The following STK32B variants were observed in gnomAD, a reference collection of about 807,000 sequenced individuals.
The protein encoded by STK32B is serine/threonine-protein kinase 32B.
A neutral mutation model predicts 52.6 loss-of-function variants in STK32B; 43 were observed. The ratio of observed to expected loss-of-function variants is 0.82; its 90% confidence interval spans 0.64 to 1.05. The LOEUF (loss-of-function observed/expected upper bound fraction) is 1.05, where lower values mean the gene tolerates loss of function less well. Ranked by LOEUF, STK32B falls within the 50% of genes least tolerant of loss-of-function variation. The pLI is 0.00. For missense variants in STK32B, 621 were observed against 534.6 expected (o/e 1.16, Z -1.59); for synonymous variants, 238 against 204.3 (o/e 1.17, Z -1.41).
At chr4:5,080,483 C>A (rs1263798424) in intron 1 of STK32B, among the ~76,000 whole-genome samples, 1 of 152,150 alleles carries the variant, frequency 6.6e-6, no homozygotes, top group African/African-American at 2.4e-5. Context: ...TCTGAAACGT[C>A]AGTTTCTCAA....
chr4:5,410,091 A>C (rs1022845367), intron 5 of STK32B, among the ~76,000 whole-genome samples: 2 of 152,184 alleles, frequency 1.3e-5, no homozygotes, highest in Non-Finnish European at 2.9e-5. Flanking sequence ...TGTGGTGCCC[A>C]GAGTGTTTGA....
chr4:5,402,285 G>A (rs6834403), intron 5 of STK32B, among the ~76,000 whole-genome samples: 33,726 of 152,212 alleles, frequency 0.22, 3,991 homozygotes, highest in Admixed American at 0.3. Flanking sequence ...GGTGATGGAA[G>A]AGGCCAGTGG....
At chr4:5,198,375 G>A (rs1441138230) in intron 3 of STK32B, among the ~76,000 whole-genome samples, 2 of 152,204 alleles carry the variant, frequency 1.3e-5, no homozygotes, top group African/African-American at 4.8e-5. Flanking sequence ...GATGGGGCAT[G>A]GTGGTGGGAA....
At chr4:5,337,062 TC>T (rs1173712167) in intron 4 of STK32B, among the ~76,000 whole-genome samples, 23 of 152,106 alleles carry the variant, frequency 1.5e-4, no homozygotes, top group Non-Finnish European at 8.8e-5. Flanking sequence ...CACTGCAGCC[TC>T]AACCTTCTGG....
At chr4:5,237,504 G>A (rs1466791085) in intron 3 of STK32B, among the ~76,000 whole-genome samples, 2 of 152,186 alleles carry the variant, frequency 1.3e-5, no homozygotes, top group Non-Finnish European at 2.9e-5. Context: ...GGCCCAGCTG[G>A]ATTTTATTGT....
chr4:5,173,685 C>G (rs1049733290), intron 3 of STK32B, among the ~76,000 whole-genome samples: 21 of 152,272 alleles, frequency 1.4e-4, no homozygotes, highest in Admixed American at 2.6e-4. Flanking sequence ...GTTATAGTTT[C>G]TGTTCTTTTA....
At chr4:5,372,417 G>T (rs1735302115) in intron 4 of STK32B, among the ~76,000 whole-genome samples, 1 of 152,024 alleles carries the variant, frequency 6.6e-6, no homozygotes, top group African/African-American at 2.4e-5. Flanking sequence ...CTTTTTGCAG[G>T]AGCCCTGAAG....
intron 3 of STK32B, among the ~76,000 whole-genome samples, chr4:5,325,083 C>T (rs866666920): frequency 6.6e-6 from 1 of 152,206 alleles, no homozygotes; most frequent in African/African-American, 2.4e-5. Flanking sequence ...GTGAGCATGA[C>T]GCACAGCCTC....
intron 2 of STK32B, among the ~76,000 whole-genome samples, chr4:5,141,741 C>A (rs1474005330): frequency 6.6e-6 from 1 of 152,100 alleles, no homozygotes; most frequent in Non-Finnish European, 1.5e-5. Flanking sequence ...TCAAGTGGTC[C>A]ATAGGTATAG....
chr4:5,204,410 T>C (rs1188135798), intron 3 of STK32B, among the ~76,000 whole-genome samples: 3 of 151,956 alleles, frequency 2.0e-5, no homozygotes, highest in Admixed American at 2.0e-4. Flanking sequence ...TTTTGTTTGT[T>C]TGTTTTTGTT....
intron 5 of STK32B, among the ~76,000 whole-genome samples, chr4:5,403,833 A>G (rs1415881300): frequency 6.6e-6 from 1 of 152,136 alleles, no homozygotes; most frequent in Non-Finnish European, 1.5e-5. Context: ...GCAGTTGAGA[A>G]GGAAGGGAGA....
intron 3 of STK32B, among the ~76,000 whole-genome samples, chr4:5,264,619 T>A (rs913989257): frequency 2.7e-5 from 4 of 146,476 alleles, no homozygotes; most frequent in African/African-American, 1.1e-4. Flanking sequence ...ACCCTGTCTC[T>A]ACTAAAAATA....
Position 5,181,487 on chromosome 4 carries a change from T to C in STK32B, c.260+13037T>C, listed in dbSNP as rs368892795. Among the ~76,000 whole-genome samples the C allele has an allele frequency of 2.6e-5, 4 of 152,210 alleles. No homozygotes were observed. The East Asian group carries it at 7.7e-4, about 29-fold the overall frequency. On this transcript the variant is annotated intron_variant, in intron 3 of 11. Coordinates refer to ENST00000282908, the MANE Select transcript of STK32B (RefSeq NM_018401.3). ...TTGCTGGAGGCCCCCAATCTATGGT[T>C]TTATGTATGGTAACCTAAGGTGACT...
chr4:5,219,933 G>A (rs1191064039), intron 3 of STK32B, among the ~76,000 whole-genome samples: 1 of 152,174 alleles, frequency 6.6e-6, no homozygotes, highest in Non-Finnish European at 1.5e-5. Context: ...AAGAATAAAT[G>A]TGTCTGCAGG....
chr4:5,275,122 C>G (rs1577279286), intron 3 of STK32B, among the ~76,000 whole-genome samples: 1 of 152,200 alleles, frequency 6.6e-6, no homozygotes, highest in South Asian at 2.1e-4. Flanking sequence ...TTGCCATCAT[C>G]TTGGAAGTGG....
At chr4:5,484,225 G>A (rs1278103708) in intron 11 of STK32B, among the ~76,000 whole-genome samples, 2 of 152,182 alleles carry the variant, frequency 1.3e-5, no homozygotes, top group Admixed American at 1.3e-4. Flanking sequence ...TGGTGTCTCA[G>A]TCTCTTTGTA....
At chr4:5,134,507 ACTG>A (rs1715956481) in intron 1 of STK32B, among the ~76,000 whole-genome samples, 2 of 152,186 alleles carry the variant, frequency 1.3e-5, no homozygotes, top group African/African-American at 4.8e-5. Flanking sequence ...AGCCTCCAGA[ACTG>A]TGAAAAAATA....
At chr4:5,261,044 C>T (rs531163836) in intron 3 of STK32B, among the ~76,000 whole-genome samples, 4 of 152,192 alleles carry the variant, frequency 2.6e-5, no homozygotes, top group African/African-American at 9.6e-5. Context: ...TTGGTCAAGG[C>T]GGCTCTTTAG....
intron 4 of STK32B, among the ~76,000 whole-genome samples, chr4:5,391,152 G>A (rs926024542): frequency 2.0e-5 from 3 of 151,816 alleles, no homozygotes; most frequent in East Asian, 3.9e-4. Context: ...GTAGAGATGG[G>A]GTTTCACCAT....
Sources: allele counts gnomAD v4.1 joint callset (sites outside exome capture counted in the v4.1 genomes callset), GRCh38; gene constraint gnomAD v4.1.1; transcripts MANE v1.5; gene names NCBI Gene and HGNC (gene_info 2026-07-23, HGNC 2026-07-21).